Variants in ATXN1 observed in about 807,000 individuals in gnomAD.
ATXN1 encodes the protein ataxin 1, also known as ataxin-1.
ATXN1 carries 8 observed loss-of-function variants against 56.4 expected under a neutral mutation model. The ratio of observed to expected loss-of-function variants is 0.14; its 90% CI spans 0.08 to 0.26. The LOEUF is 0.26. Among genes scored for constraint, ATXN1 ranks in the 10% least tolerant of loss-of-function variants. ATXN1 has a pLI of 1.00. For missense variants in ATXN1, 987 were observed against 1,106.5 expected, an observed-to-expected ratio of 0.89 and a Z score of 1.53; for synonymous variants, 514 against 494.6, an observed-to-expected ratio of 1.04 and a Z score of -0.52.
chr6:16,493,677 A>G (rs750870994), intron 5 of ATXN1, among the ~76,000 whole-genome samples: 2 of 152,130 alleles, frequency 1.3e-5, no homozygotes, highest in Non-Finnish European at 2.9e-5. Flanking sequence ...TTGTTGATTA[A>G]CTGATTGATA....
At chr6:16,574,102 C>G (rs1159297882) in intron 4 of ATXN1, among the ~76,000 whole-genome samples, 1 of 152,254 alleles carries the variant, frequency 6.6e-6, no homozygotes, top group Non-Finnish European at 1.5e-5. Context: ...TCTCAGCTCA[C>G]TGCAACCTCT....
intron 4 of ATXN1, among the ~76,000 whole-genome samples, chr6:16,533,477 T>G (rs544751630): frequency 1.3e-5 from 2 of 152,166 alleles, no homozygotes; most frequent in Non-Finnish European, 1.5e-5. Context: ...CACATGAGAT[T>G]TGTAATATGG....
Position 16,761,338 on chromosome 6 carries a change from G to T in ATXN1, c.-770C>A. On this transcript the variant is annotated 5_prime_UTR_variant, in exon 1 of 8. Transcript: ENST00000436367. ...GATCTGGGGTTGCGTGGGGAAGGGGGGGCAGAGGGAGAGAAACAATGTCTT... is the reference window on the plus strand; with the variant it reads ...GATCTGGGGTTGCGTGGGGAAGGGGTGGCAGAGGGAGAGAAACAATGTCTT... The T allele has an allele frequency of 2.2e-6, 1 of 456,286 alleles. No homozygotes were observed. The highest frequency in any genetic ancestry group is 4.4e-6 in the Non-Finnish European group (1 of 226,862). 28.3% of individuals were successfully genotyped at this position (456,286 alleles called of 1,614,324 possible).
intron 6 of ATXN1, among the ~76,000 whole-genome samples, chr6:16,445,864 T>A (rs1264064686): frequency 6.6e-6 from 1 of 151,644 alleles, no homozygotes; most frequent in Non-Finnish European, 1.5e-5. Context: ...CATCATTTTT[T>A]ATGGCTGCAT....
intron 1 of ATXN1, among the ~76,000 whole-genome samples, chr6:16,756,640 G>A (rs1760895498): frequency 6.6e-6 from 1 of 152,106 alleles, no homozygotes; most frequent in Admixed American, 6.5e-5. Flanking sequence ...AAAATACAGA[G>A]CAAGGAAAGT....
chr6:16,670,334 G>T (rs1758514835), intron 2 of ATXN1, among the ~76,000 whole-genome samples: 1 of 152,096 alleles, frequency 6.6e-6, no homozygotes, highest in African/African-American at 2.4e-5. Flanking sequence ...CACAAAAGCT[G>T]GCTCTAGAAA....
chr6:16,316,865 CTTTT>C (rs375359789), intron 7 of ATXN1, among the ~76,000 whole-genome samples: 1,029 of 99,450 alleles, frequency 0.01, 33 homozygotes, highest in African/African-American at 0.048. Flanking sequence ...GACTGCCTGT[CTTTT>C]TTTTTTTTTT....
chr6:16,455,260 A>G (rs180917011), intron 6 of ATXN1, among the ~76,000 whole-genome samples: 1 of 152,358 alleles, frequency 6.6e-6, no homozygotes, highest in East Asian at 1.9e-4. Context: ...AAAATGGACA[A>G]AAGACCTGAC....
intron 6 of ATXN1, among the ~76,000 whole-genome samples, chr6:16,389,458 T>C (rs1042174680): frequency 3.3e-5 from 5 of 152,244 alleles, no homozygotes; most frequent in African/African-American, 1.2e-4. Context: ...ATATTGCATT[T>C]ACTGTAGACC....
At chr6:16,381,468 C>T (rs547129007) in intron 6 of ATXN1, among the ~76,000 whole-genome samples, 150 of 152,276 alleles carry the variant, frequency 9.9e-4, no homozygotes, top group African/African-American at 3.5e-3. Context: ...CTTCCAGGCC[C>T]CCCAGCTGTG....
chr6:16,526,236 ATATT>A (rs1236048928), intron 4 of ATXN1, among the ~76,000 whole-genome samples: 1 of 152,060 alleles, frequency 6.6e-6, no homozygotes, highest in Non-Finnish European at 1.5e-5. Flanking sequence ...GAACCAATAC[ATATT>A]TATTTGTTGA....
chr6:16,659,703 T>C (rs1758278429), intron 2 of ATXN1, among the ~76,000 whole-genome samples: 2 of 152,340 alleles, frequency 1.3e-5, no homozygotes, highest in South Asian at 4.1e-4. Context: ...TTTAATGAAA[T>C]GTAATGCGGT....
At chr6:16,316,857 C>T (rs1298801459) in intron 7 of ATXN1, among the ~76,000 whole-genome samples, 1 of 111,944 alleles carries the variant, frequency 8.9e-6, no homozygotes, top group African/African-American at 4.8e-5. Context: ...AATAGAGAGA[C>T]TGCCTGTCTT....
rs1487498961 is a variant in ATXN1 at position 16,644,569 on chromosome 6, T to TGTGC, written c.-489+13206_-489+13207insGCAC. ...AATTTATGGTAAATTTTATGGTGTGTGTGTGTGTGTGTGTGTGTATACACA... is the reference window on the plus strand; with the variant it reads ...AATTTATGGTAAATTTTATGGTGTGTGTGCGTGTGTGTGTGTGTGTGTATACACA... On this transcript the variant is annotated intron_variant, in intron 3 of 7. Transcript: ENST00000436367. Among the ~76,000 whole-genome samples the TGTGC allele has an allele frequency of 4.6e-3, 695 of 149,686 alleles. 3 individuals are homozygous for TGTGC. The highest frequency in any genetic ancestry group is 8.3e-3 in the Non-Finnish European group (563 of 67,456).
At chr6:16,423,208 T>C (rs1216331701) in intron 6 of ATXN1, among the ~76,000 whole-genome samples, 1 of 152,254 alleles carries the variant, frequency 6.6e-6, no homozygotes. Flanking sequence ...TTTGTCATTT[T>C]GCATCAGGCT....
At chr6:16,308,078 C>T (rs1283551500) in intron 7 of ATXN1, among the ~76,000 whole-genome samples, 5 of 151,970 alleles carry the variant, frequency 3.3e-5, no homozygotes, top group African/African-American at 4.8e-5. Context: ...CGTTTGAGTC[C>T]GGGGGACGAA....
chr6:16,687,411 T>C (rs1758940013), intron 2 of ATXN1, among the ~76,000 whole-genome samples: 1 of 152,060 alleles, frequency 6.6e-6, no homozygotes, highest in Admixed American at 6.6e-5. Flanking sequence ...AAAAAAATCA[T>C]GCTCAAGAGC....
At chr6:16,358,676 G>T (rs1480116767) in intron 6 of ATXN1, among the ~76,000 whole-genome samples, 1 of 152,194 alleles carries the variant, frequency 6.6e-6, no homozygotes, top group African/African-American at 2.4e-5. Flanking sequence ...GGAGCTCCGC[G>T]TGCCACTGCA....
At chr6:16,564,547 G>A (rs4716082) in intron 4 of ATXN1, among the ~76,000 whole-genome samples, 64,580 of 152,114 alleles carry the variant, frequency 0.42, 17,295 homozygotes, top group African/African-American at 0.74. Context: ...AATGACTGAT[G>A]TATGCTGAAA....
Sources: allele counts gnomAD v4.1 joint callset (sites outside exome capture counted in the v4.1 genomes callset), GRCh38; gene constraint gnomAD v4.1.1; transcripts MANE v1.5; gene names NCBI Gene and HGNC (gene_info 2026-07-23, HGNC 2026-07-21).